Variants in DISC1 observed in about 807,000 individuals in gnomAD.
DISC1 encodes the protein DISC1 scaffold protein, also known as disrupted in schizophrenia 1 protein.
Under a neutral mutation model 84.5 loss-of-function variants are expected in DISC1, and 57 were observed. That is an observed-to-expected ratio of 0.67 (90% confidence interval 0.55 to 0.84). DISC1 has a LOEUF of 0.84. DISC1 is among the 40% of genes least tolerant of loss of function. DISC1 has a pLI of 0.00. For missense variants in DISC1, 1,000 were observed against 1,057.8 expected (o/e 0.95, Z 0.76); for synonymous variants, 411 against 415.2 (o/e 0.99, Z 0.12).
At chr1:231,746,624 A>AT (rs1211947352) in intron 3 of DISC1, among the ~76,000 whole-genome samples, 4 of 151,818 alleles carry the variant, frequency 2.6e-5, no homozygotes, top group South Asian at 2.1e-4. Context: ...TGTTTATTTT[A>AT]TTTTTTTGTC....
intron 1 of DISC1, among the ~76,000 whole-genome samples, chr1:231,688,086 T>G (rs111430680): frequency 0.012 from 1,817 of 152,240 alleles, 18 homozygotes; most frequent in Non-Finnish European, 0.016. Flanking sequence ...AAAGTAAGGA[T>G]TAATTAGATT....
Position 231,789,408 on chromosome 1 carries a change from G to A in DISC1, c.1635-5834G>A, listed in dbSNP as rs181380753. 9.2e-5 allele frequency among the ~76,000 whole-genome samples: 14 copies of A among 152,316 alleles called. No homozygotes were observed. In the East Asian group the frequency reaches 1.7e-3, roughly 19 times the overall value. ...ATATAGGCCCTTGCAGACTTGGCTC[G>A]ACTCAGGTGTGATGGAGTGAGTAGT... On this transcript the variant is annotated intron_variant, in intron 6 of 12. Coordinates refer to ENST00000439617, the MANE Select transcript of DISC1 (RefSeq NM_018662.3).
At chr1:232,021,240 C>T (rs1370894238) in intron 11 of DISC1, among the ~76,000 whole-genome samples, 3 of 152,014 alleles carry the variant, frequency 2.0e-5, no homozygotes, top group African/African-American at 7.3e-5. Context: ...GAAAGTGAGG[C>T]CCTGTGGGTC....
intron 10 of DISC1, among the ~76,000 whole-genome samples, chr1:231,960,829 A>T (rs1660289401): frequency 6.6e-6 from 1 of 152,220 alleles, no homozygotes; most frequent in Non-Finnish European, 1.5e-5. Flanking sequence ...TTACAATGCC[A>T]ATGGCAAGCC....
At chr1:231,911,100 G>A (rs1290207316) in intron 9 of DISC1, among the ~76,000 whole-genome samples, 1 of 152,138 alleles carries the variant, frequency 6.6e-6, no homozygotes, top group Non-Finnish European at 1.5e-5. Context: ...CCTGAATATA[G>A]CACACTGATG....
chr1:232,024,745 A>G (rs996650204), intron 11 of DISC1, among the ~76,000 whole-genome samples: 1 of 151,192 alleles, frequency 6.6e-6, no homozygotes, highest in Non-Finnish European at 1.5e-5. Flanking sequence ...GGCGCCCACC[A>G]CCACGCCCAG....
intron 6 of DISC1, among the ~76,000 whole-genome samples, chr1:231,788,445 A>G (rs2078057673): frequency 6.6e-6 from 1 of 151,992 alleles, no homozygotes; most frequent in Non-Finnish European, 1.5e-5. Flanking sequence ...CCGAATCCAC[A>G]TTTCCCCTTT....
At chr1:231,751,873 A>G (rs987040733) in intron 4 of DISC1, among the ~76,000 whole-genome samples, 1 of 152,238 alleles carries the variant, frequency 6.6e-6, no homozygotes, top group Admixed American at 6.5e-5. Flanking sequence ...ATTCATTAAA[A>G]TAACTCATTT....
intron 3 of DISC1, among the ~76,000 whole-genome samples, chr1:231,708,465 A>T (rs1012947422): frequency 1.3e-5 from 2 of 152,268 alleles, no homozygotes; most frequent in Non-Finnish European, 1.5e-5. Flanking sequence ...ATGTTTGGAC[A>T]TCGGCATTTG....
At position 231,694,385 on chromosome 1, in the gene DISC1, C is replaced by T. The variant is rs200704946; in HGVS notation, c.627C>T (p.Ser209=). ...GCTCTCACAGTGCCTTTACCTCAAG[C>T]TTTAGCTTTATTCGGCTCTCGCTTG... ...PPGSHSAFTS[S]FSFIRLSLGS... Residue 209 remains serine, a synonymous_variant, in exon 2 of 13, where the codon AGC becomes AGT. Coordinates refer to ENST00000439617, the MANE Select transcript of DISC1 (RefSeq NM_018662.3). 14 of 1,614,268 alleles carry T rather than the reference C, an allele frequency of 8.7e-6. No individual in the cohort carries two copies. In the Admixed American group the frequency reaches 2.3e-4, roughly 27 times the overall value.
At chr1:231,981,996 C>T (rs1320680771) in intron 10 of DISC1, among the ~76,000 whole-genome samples, 1 of 151,954 alleles carries the variant, frequency 6.6e-6, no homozygotes, top group Non-Finnish European at 1.5e-5. Context: ...CGGTTGGCAA[C>T]ACTATTAAGA....
chr1:232,008,768 T>C lies in DISC1; in HGVS notation c.2043-17T>C, dbSNP rs376102460. 6.5e-7 allele frequency: 1 copy of C among 1,533,886 alleles called. No homozygotes were observed. Among genetic ancestry groups the C allele is most frequent in the African/African-American group, 1.4e-5 (1 of 72,376 alleles). ...CACTGAGTTCATTTTTATGCCTTTGTTTCCTCTCTGTCTCAGCTGCAAGTG... is the reference window on the plus strand; with the variant it reads ...CACTGAGTTCATTTTTATGCCTTTGCTTCCTCTCTGTCTCAGCTGCAAGTG... On this transcript the variant is annotated splice_polypyrimidine_tract_variant and intron_variant, in intron 10 of 12. Coordinates refer to ENST00000439617, the MANE Select transcript of DISC1 (RefSeq NM_018662.3).
chr1:232,025,763 AT>A, intron 11 of DISC1, among the ~76,000 whole-genome samples: 1 of 152,074 alleles, frequency 6.6e-6, no homozygotes, highest in South Asian at 2.1e-4. Flanking sequence ...CGCCCGGCTA[AT>A]TTTTTGTATT....
chr1:231,663,353 A>G (rs1318597692), intron 1 of DISC1, among the ~76,000 whole-genome samples: 5 of 152,100 alleles, frequency 3.3e-5, no homozygotes. Flanking sequence ...GTAATAGACA[A>G]CTCTGCAATC....
At chr1:232,000,328 T>C (rs1666526872) in intron 10 of DISC1, among the ~76,000 whole-genome samples, 1 of 152,138 alleles carries the variant, frequency 6.6e-6, no homozygotes, top group Non-Finnish European at 1.5e-5. Context: ...CTGCATAGGC[T>C]CAATTGTAGA....
intron 9 of DISC1, among the ~76,000 whole-genome samples, chr1:231,915,278 T>C (rs533317386): frequency 2.8e-4 from 43 of 152,320 alleles, no homozygotes; most frequent in Non-Finnish European, 5.3e-4. Context: ...TTCTACTTCC[T>C]GTGTGGCTTC....
chr1:231,885,234 G>T (rs182887163), intron 9 of DISC1, among the ~76,000 whole-genome samples: 5 of 152,296 alleles, frequency 3.3e-5, no homozygotes, highest in Admixed American at 2.6e-4. Context: ...CAAAACTTCT[G>T]CTAGGGCTAA....
chr1:231,860,600 A>T (rs200318034), intron 9 of DISC1, among the ~76,000 whole-genome samples: 1 of 152,182 alleles, frequency 6.6e-6, no homozygotes, highest in Non-Finnish European at 1.5e-5. Context: ...CGTTTTCAGG[A>T]AAGAATTTAA....
rs957818349 is a variant in DISC1, at chr1:231,969,197, T to G, written c.2042+10309T>G. 5.4e-5 allele frequency among the ~76,000 whole-genome samples: 8 copies of G among 148,278 alleles called. 1 individual carries two copies. The South Asian group carries it at 1.3e-3, about 24-fold the overall frequency. The stretch of plus-strand genomic sequence containing the variant: ...CCAAACACTCAGCGGTTTTTTTTTT[T>G]TTTTTTTTTTTTTTGCTGTCTGCCC... On this transcript the variant is annotated intron_variant, in intron 10 of 12. Transcript: ENST00000439617.
Sources: gnomAD v4.1 joint callset for allele counts (sites outside exome capture counted in the v4.1 genomes callset) on GRCh38, gnomAD v4.1.1 for gene constraint, MANE v1.5 for transcripts, NCBI Gene and HGNC (gene_info 2026-07-23, HGNC 2026-07-21) for gene names.